Variants in POLR3C observed in about 807,000 individuals in gnomAD.
POLR3C encodes DNA-directed RNA polymerase III subunit RPC3.
POLR3C carries 44 observed loss-of-function variants against 65.9 expected under a neutral mutation model. The ratio of observed to expected loss-of-function variants is 0.67; its 90% CI spans 0.52 to 0.86. The LOEUF is 0.86. Among genes scored for constraint, POLR3C ranks in the 40% least tolerant of loss-of-function variants. The pLI is 0.00. For missense variants in POLR3C, 576 were observed against 653.2 expected, an observed-to-expected ratio of 0.88 and a Z score of 1.29; for synonymous variants, 263 against 231.6, an observed-to-expected ratio of 1.14 and a Z score of -1.23.
chr1:145,829,582 C>T (rs1651118239), intron 5 of POLR3C, among the ~76,000 whole-genome samples: 1 of 152,152 alleles, frequency 6.6e-6, no homozygotes, highest in Admixed American at 6.5e-5. Context: ...TAATAGCTTT[C>T]CTTTACTTTT....
chr1:145,831,394 A>G (rs1651307095), intron 5 of POLR3C, among the ~76,000 whole-genome samples: 1 of 152,034 alleles, frequency 6.6e-6, no homozygotes, highest in Non-Finnish European at 1.5e-5. Context: ...GCAGGCCTGT[A>G]ATCCCAGCTA....
chr1:145,843,610 G>A lies in POLR3C; in HGVS notation c.*1190G>A, dbSNP rs1055251341. On this transcript the variant is annotated 3_prime_UTR_variant, in exon 15 of 15. Transcript: ENST00000334163. ...TAATAAATTTTGAGCATACAGTCTAGTAGGAGGAGACAAATAAGTACATAA... is the reference window on the plus strand; with the variant it reads ...TAATAAATTTTGAGCATACAGTCTAATAGGAGGAGACAAATAAGTACATAA... Among the ~76,000 whole-genome samples, 1 of 152,204 alleles carries A rather than the reference G, an allele frequency of 6.6e-6. No homozygotes were observed. Among genetic ancestry groups the A allele is most frequent in the African/African-American group, 2.4e-5 (1 of 41,454 alleles).
At chr1:145,825,992 G>C in intron 2 of POLR3C, 69 bp downstream of exon 2, 1 of 1,279,492 alleles carries the variant, frequency 7.8e-7, no homozygotes, top group South Asian at 1.3e-5. Flanking sequence ...TTTGAATATT[G>C]TTCTTCTCAC....
chr1:145,840,233 T>G, intron 13 of POLR3C, 68 bp downstream of exon 13: 1 of 1,016,122 alleles, frequency 9.8e-7, no homozygotes, highest in Non-Finnish European at 1.6e-6. Context: ...AAATTTCCTC[T>G]AGAAATAGGA....
chr1:145,842,566 G>A lies in POLR3C; in HGVS notation c.*146G>A. 3.0e-6 allele frequency: 2 copies of A among 677,272 alleles called. No individual in the cohort carries two copies. Among genetic ancestry groups the A allele is most frequent in the Non-Finnish European group, 2.7e-6 (1 of 375,554 alleles). 42.0% of individuals were successfully genotyped at this position (677,272 alleles called of 1,614,324 possible). ...ATCCCCTGCAGCCCAGGATACACCTGAAAGAATTTGGCATATTTAGATCCA... is the reference window on the plus strand; with the variant it reads ...ATCCCCTGCAGCCCAGGATACACCTAAAAGAATTTGGCATATTTAGATCCA... On this transcript the variant is annotated 3_prime_UTR_variant, in exon 15 of 15. Transcript: ENST00000334163.
In POLR3C at chr1:145,843,802, C is replaced by G. The variant is rs76767394; in HGVS notation, c.*1382C>G. ...AACTATCTTAACAAGGGATTCGTAA[C>G]CAGAATATATAAGGAGCTCAAACAA... On this transcript the variant is annotated 3_prime_UTR_variant, in exon 15 of 15. Coordinates refer to ENST00000334163, the MANE Select transcript of POLR3C (RefSeq NM_006468.8). 3.9e-5 allele frequency among the ~76,000 whole-genome samples: 6 copies of G among 152,072 alleles called. No individual in the cohort carries two copies. Among genetic ancestry groups the G allele is most frequent in the African/African-American group, 1.4e-4 (6 of 41,398 alleles).
At chr1:145,840,058 G>A (rs373213326) in intron 12 of POLR3C, 58 bp from the exon 13 acceptor site, 13 of 1,511,046 alleles carry the variant, frequency 8.6e-6, no homozygotes, top group Admixed American at 3.3e-5. Context: ...TGCCCACTTC[G>A]CCCTGAGCTG....
Position 145,839,943 on chromosome 1 carries a change from T to G in POLR3C, c.1275T>G (p.Thr425=). The G allele has an allele frequency of 1.2e-6, 2 of 1,612,460 alleles. No homozygotes were observed. The highest frequency in any genetic ancestry group is 1.7e-6 in the Non-Finnish European group (2 of 1,178,466). Residue 425 remains threonine, a synonymous_variant, in exon 12 of 15, where the codon ACT becomes ACG. Transcript: ENST00000334163. ...HAPSRTFYLY[T]VNILSAARML... ...CATCCAGGACCTTCTATTTATATAC[T>G]GTGAACATCCTGTCAGCTGCCCGAA... is the stretch of plus-strand genomic sequence containing the variant.
At position 145,826,914 on chromosome 1, in the gene POLR3C, T is replaced by C; in HGVS notation, c.498T>C (p.Thr166=). The C allele has an allele frequency of 6.2e-7, 1 of 1,613,330 alleles. No homozygotes were observed. Among genetic ancestry groups the C allele is most frequent in the Non-Finnish European group, 8.5e-7 (1 of 1,179,750 alleles). ...AACGCTGCCCTTCGGTACCTACCAC[T>C]GAGAATTCAGACCCTGGGCCACCAC... is the stretch of plus-strand genomic sequence containing the variant. The part of the protein sequence containing the change: ...FVQRCPSVPT[T]ENSDPGPPPP... Residue 166 remains threonine (T), a synonymous_variant, in exon 4 of 15, where the codon ACT becomes ACC. Transcript: ENST00000334163.
Position 145,836,561 on chromosome 1 carries a change from T to C in POLR3C, c.944T>C (p.Leu315Pro). Residue 315 changes from leucine to proline, a missense_variant, in exon 8 of 15, where the codon CTG (leucine) becomes CCG (proline). By Grantham distance (98) the Leu-to-Pro change is moderately conservative. Transcript: ENST00000334163. Reference sequence around the variant, plus strand: ...GTTCTTGATCAGTATCTCACTCTGCTGGCAGATGATCCAGTAAGTCTGTTT... The same window carrying C: ...GTTCTTGATCAGTATCTCACTCTGCCGGCAGATGATCCAGTAAGTCTGTTT... ...KQVLDQYLTLLADDPLEFVGK... is the reference protein window; with the variant it reads ...KQVLDQYLTLPADDPLEFVGK... 6.2e-7 allele frequency: 1 copy of C among 1,600,626 alleles called. No homozygotes were observed. Among genetic ancestry groups the C allele is most frequent in the Non-Finnish European group, 8.6e-7 (1 of 1,167,740 alleles).
intron 1 of POLR3C, among the ~76,000 whole-genome samples, chr1:145,825,102 A>T (rs587741691): frequency 2.9e-4 from 44 of 151,074 alleles, no homozygotes; most frequent in African/African-American, 9.3e-4. Context: ...ATTATGAGTA[A>T]TTTTTTTTGT....
At chr1:145,826,740 A>C (rs782359411) in intron 3 of POLR3C, 31 bp downstream of exon 3, 2 of 1,612,936 alleles carry the variant, frequency 1.2e-6, no homozygotes, top group East Asian at 4.5e-5. Context: ...TGTTAACAAA[A>C]GCATAGATCA....
chr1:145,829,672 A>G (rs1651125595), intron 5 of POLR3C, among the ~76,000 whole-genome samples: 3 of 152,096 alleles, frequency 2.0e-5, no homozygotes, highest in Admixed American at 2.0e-4. Flanking sequence ...GGGCTCTTCA[A>G]CCTCACCTCT....
In POLR3C at chr1:145,833,374, A is replaced by G; in HGVS notation, c.783+10A>G. 2 of 1,583,886 alleles carry G rather than the reference A, an allele frequency of 1.3e-6. No homozygotes were observed. Among genetic ancestry groups the G allele is most frequent in the Non-Finnish European group, 1.7e-6 (2 of 1,152,702 alleles). Reference sequence around the variant, plus strand: ...TAACAGGATGGACCAGGTAATACCTAAGTGGGTCTGTCATTGGTCATCAGG... The same window carrying G: ...TAACAGGATGGACCAGGTAATACCTGAGTGGGTCTGTCATTGGTCATCAGG... On this transcript the variant is annotated intron_variant, in intron 6 of 14. Coordinates refer to ENST00000334163, the MANE Select transcript of POLR3C (RefSeq NM_006468.8).
chr1:145,832,231 C>T (rs1291267276), intron 5 of POLR3C, among the ~76,000 whole-genome samples: 2 of 152,170 alleles, frequency 1.3e-5, no homozygotes, highest in Non-Finnish European at 2.9e-5. Flanking sequence ...TGACAATTGA[C>T]ATTTCAGTAC....
At chr1:145,838,999 G>A (rs782042606) in intron 11 of POLR3C, among the ~76,000 whole-genome samples, 3 of 152,108 alleles carry the variant, frequency 2.0e-5, no homozygotes, top group Non-Finnish European at 4.4e-5. Context: ...TGCCAGGTGC[G>A]GTGGCTCATG....
intron 11 of POLR3C, 63 bp downstream of exon 11, chr1:145,838,269 C>T: frequency 1.5e-6 from 2 of 1,353,598 alleles, no homozygotes; most frequent in East Asian, 2.3e-5. Context: ...AGAGAAGCTT[C>T]TTAGGCAAAC....
chr1:145,833,213 G>C, intron 5 of POLR3C, 47 bp from the exon 6 acceptor site: 1 of 1,142,696 alleles, frequency 8.8e-7, no homozygotes, highest in South Asian at 1.4e-5. Context: ...CTCCTCACCA[G>C]AAAACTTTAC....
At chr1:145,840,834 A>G (rs1652233535) in intron 13 of POLR3C, 88 bp from the exon 14 acceptor site, 1 of 881,062 alleles carries the variant, frequency 1.1e-6, no homozygotes, top group Non-Finnish European at 1.8e-6. Flanking sequence ...GGAAAATGGT[A>G]AAGGGTGGTG....
Sources: allele counts gnomAD v4.1 joint callset (sites outside exome capture counted in the v4.1 genomes callset), GRCh38; gene constraint gnomAD v4.1.1; transcripts MANE v1.5; gene names NCBI Gene and HGNC (gene_info 2026-07-23, HGNC 2026-07-21).